Variants in DTL observed in about 807,000 individuals in gnomAD.
DTL encodes denticleless protein homolog.
In DTL, 46 loss-of-function variants were observed where a neutral mutation model predicts 87.0. That is an observed-to-expected ratio of 0.53 (90% confidence interval 0.42 to 0.68). The LOEUF is 0.68. Ranked by LOEUF, DTL falls within the 30% of genes least tolerant of loss-of-function variation. DTL has a pLI of 0.00. For synonymous variants in DTL, 308 were observed against 311.2 expected, an observed-to-expected ratio of 0.99 and a Z score of 0.11; for missense variants, 737 against 869.4, an observed-to-expected ratio of 0.85 and a Z score of 1.91.
chr1:212,041,190 G>A (rs942669561), intron 1 of DTL, among the ~76,000 whole-genome samples: 1 of 152,152 alleles, frequency 6.6e-6, no homozygotes, highest in African/African-American at 2.4e-5. Flanking sequence ...GTGTATTGCA[G>A]GGATTGCATA....
intron 12 of DTL, among the ~76,000 whole-genome samples, chr1:212,079,175 C>T (rs1326502074): frequency 6.6e-6 from 1 of 151,852 alleles, no homozygotes; most frequent in Non-Finnish European, 1.5e-5. Context: ...TAAGTCATTA[C>T]TTTAATCACC....
Position 212,104,748 on chromosome 1 carries a change from A to C in DTL, c.*1808A>C, listed in dbSNP as rs1655727452. 6.6e-6 allele frequency: 1 copy of C among 152,192 alleles called. No individual in the cohort carries two copies. The highest frequency in any genetic ancestry group is 1.5e-5 in the Non-Finnish European group (1 of 68,026). The allele number at this position is 152,192 out of a possible 1,614,324, so 9.4% of individuals were successfully genotyped here. On this transcript the variant is annotated 3_prime_UTR_variant, in exon 15 of 15. Transcript: ENST00000366991. ...TCTCACTTGGAAAGCTAGTACTTTT[A>C]AATGGGTGCCAAAGGTCAACTGTAA... is the stretch of plus-strand genomic sequence containing the variant.
intron 11 of DTL, among the ~76,000 whole-genome samples, chr1:212,077,005 G>C (rs1445903729): frequency 6.6e-6 from 1 of 152,100 alleles, no homozygotes; most frequent in East Asian, 1.9e-4. Context: ...TGATTGAGTT[G>C]AATAACCTTA....
At chr1:212,097,520 T>C (rs1655486400) in intron 13 of DTL, among the ~76,000 whole-genome samples, 1 of 152,204 alleles carries the variant, frequency 6.6e-6, no homozygotes, top group South Asian at 2.1e-4. Flanking sequence ...GTTAAAACTT[T>C]CCAGTGTATT....
In DTL at chr1:212,101,047, AT is replaced by A; in HGVS notation, c.2059del (p.Ser687ProfsTer20). The A allele has an allele frequency of 6.2e-7, 1 of 1,612,982 alleles. No homozygotes were observed. Among genetic ancestry groups the A allele is most frequent in the Non-Finnish European group, 8.5e-7 (1 of 1,179,436 alleles). On this transcript the variant is annotated frameshift_variant, in exon 14 of 15. Coordinates refer to ENST00000366991, the MANE Select transcript of DTL (RefSeq NM_016448.4). LOFTEE classifies it high-confidence loss of function. ...CGAAGTCCGTCATCCCAGACACCCA[AT>A]TCCAGGAGACAGAGCGGAAAGAAAT... Reference protein sequence around the residue: ...SPRSPSSQTPNSRRQSGKKLP... With the variant: ...SPRSPSSQTPXSRRQSGKKLP...
At chr1:212,059,779 CAAAAAAAAAAAAA>C (rs58890148) in intron 5 of DTL, among the ~76,000 whole-genome samples, 2 of 80,224 alleles carry the variant, frequency 2.5e-5, no homozygotes, top group Non-Finnish European at 4.9e-5. Flanking sequence ...AAAGACTCTA[CAAAAAAAAAAAAA>C]AAAAAAAAAA....
chr1:212,087,105 G>A (rs34912513), intron 13 of DTL, among the ~76,000 whole-genome samples: 3,193 of 152,296 alleles, frequency 0.021, 46 homozygotes, highest in Non-Finnish European at 0.03. Flanking sequence ...ATTTAATTAT[G>A]AAAACAACTG....
chr1:212,095,478 C>A (rs1655419754), intron 13 of DTL, among the ~76,000 whole-genome samples: 1 of 152,106 alleles, frequency 6.6e-6, no homozygotes, highest in Non-Finnish European at 1.5e-5. Flanking sequence ...CCTCAGCCTC[C>A]CAAGTAGCTG....
At chr1:212,041,627 T>TC (rs1667647100) in intron 1 of DTL, among the ~76,000 whole-genome samples, 1 of 151,950 alleles carries the variant, frequency 6.6e-6, no homozygotes, top group South Asian at 2.1e-4. Context: ...TGCCTCAGCC[T>TC]CCGAGTAGCT....
At chr1:212,083,726 A>G (rs575773911) in intron 13 of DTL, among the ~76,000 whole-genome samples, 1 of 152,342 alleles carries the variant, frequency 6.6e-6, no homozygotes, top group East Asian at 1.9e-4. Context: ...GAGAGTAACA[A>G]TGAACCAAGA....
intron 13 of DTL, among the ~76,000 whole-genome samples, chr1:212,087,171 A>G (rs2102574155): frequency 6.6e-6 from 1 of 152,350 alleles, no homozygotes; most frequent in Non-Finnish European, 1.5e-5. Flanking sequence ...ATGAAGTTGT[A>G]GAACCAGAGT....
chr1:212,099,023 C>CCT (rs1209403833), intron 13 of DTL, among the ~76,000 whole-genome samples: 1 of 152,150 alleles, frequency 6.6e-6, no homozygotes, highest in African/African-American at 2.4e-5. Context: ...CATTGGCTGC[C>CCT]CTCTCCAAAG....
At chr1:212,038,636 G>A (rs1214201090) in intron 1 of DTL, among the ~76,000 whole-genome samples, 1 of 152,050 alleles carries the variant, frequency 6.6e-6, no homozygotes, top group African/African-American at 2.4e-5. Flanking sequence ...CCTAGGTTGG[G>A]CCCTAATGCC....
At chr1:212,072,009 G>C in intron 10 of DTL, 92 bp from the exon 11 acceptor site, 1 of 883,310 alleles carries the variant, frequency 1.1e-6, no homozygotes. Flanking sequence ...GCAATACAGT[G>C]ATAAAACTTG....
Position 212,100,332 on chromosome 1 carries a change from G to T in DTL, c.1342G>T (p.Ala448Ser). The change falls in exon 14 of 15, where the codon GCA becomes TCA. Residue 448 changes from alanine (A) to serine (S), a missense_variant. Physicochemically the swap from Ala to Ser is moderately conservative, Grantham distance 99. Transcript: ENST00000366991. Reference sequence around the variant, plus strand: ...TCCATCCAATTCTTCCCCGTCATCCGCAGCTTGTGCCCCAAGCTGTGCTGG... The same window carrying T: ...TCCATCCAATTCTTCCCCGTCATCCTCAGCTTGTGCCCCAAGCTGTGCTGG... ...CNPSNSSPSS[A>S]ACAPSCAGDL... 1.9e-6 allele frequency: 3 copies of T among 1,613,230 alleles called. No individual in the cohort carries two copies. In the East Asian group the frequency reaches 6.7e-5, roughly 36 times the overall value.
At chr1:212,092,882 C>T (rs1470131412) in intron 13 of DTL, among the ~76,000 whole-genome samples, 1 of 152,144 alleles carries the variant, frequency 6.6e-6, no homozygotes, top group African/African-American at 2.4e-5. Flanking sequence ...ACATTCCCAC[C>T]AGCAGTGTAA....
chr1:212,088,919 T>C (rs1312102445), intron 13 of DTL, among the ~76,000 whole-genome samples: 5 of 152,142 alleles, frequency 3.3e-5, no homozygotes, highest in African/African-American at 4.8e-5. Context: ...AAACCCCATC[T>C]CTACTAAAAA....
chr1:212,077,767 G>A (rs896394909), intron 11 of DTL: 1 of 156,716 alleles, frequency 6.4e-6, no homozygotes, highest in African/African-American at 2.4e-5. Flanking sequence ...AGATATATAT[G>A]CTGTGTAAAA....
At chr1:212,064,894 A>C (rs1654445165) in intron 6 of DTL, 23 bp from the exon 7 acceptor site, 1 of 1,583,012 alleles carries the variant, frequency 6.3e-7, no homozygotes, top group African/African-American at 1.3e-5. Context: ...CTGAAACCTA[A>C]ATTTCCTTGG....
Sources: allele counts gnomAD v4.1 joint callset (sites outside exome capture counted in the v4.1 genomes callset), GRCh38; gene constraint gnomAD v4.1.1; transcripts MANE v1.5; gene names NCBI Gene and HGNC (gene_info 2026-07-23, HGNC 2026-07-21).